Variants in HOOK3 observed in about 807,000 individuals in gnomAD.
The protein encoded by HOOK3 is protein Hook homolog 3.
In HOOK3, 24 loss-of-function variants were observed where a neutral mutation model predicts 116.3. That is an observed-to-expected ratio of 0.21 (90% CI 0.15 to 0.29). The LOEUF (loss-of-function observed/expected upper bound fraction) is 0.29. HOOK3 is among the 10% of genes least tolerant of loss of function. The probability of loss-of-function intolerance (pLI) is 1.00; values close to 1 mark genes in which losing one functional copy is unlikely to be tolerated. For missense variants in HOOK3, 632 were observed against 830.2 expected (o/e 0.76, Z 2.93); for synonymous variants, 275 against 283.0 (o/e 0.97, Z 0.28).
chr8:43,020,414 A>G lies in HOOK3; in HGVS notation c.*1916A>G, dbSNP rs1379016896. The G allele has an allele frequency of 1.6e-5, 3 of 190,548 alleles. No homozygotes were observed. The highest frequency in any genetic ancestry group is 2.2e-5 in the Non-Finnish European group (2 of 90,944). The allele number at this position is 190,548 out of a possible 1,614,324, so 11.8% of individuals were successfully genotyped here. On this transcript the variant is annotated 3_prime_UTR_variant, in exon 22 of 22. Coordinates refer to ENST00000307602, the MANE Select transcript of HOOK3 (RefSeq NM_032410.4). ...TCACAAATAGCCTGAGGATCCAACT[A>G]TTTTTAAAGCAAATTGGGGCCAGAC...
At chr8:42,982,798 G>A (rs756498886) in intron 14 of HOOK3, 102 bp downstream of exon 14, 5 of 775,438 alleles carry the variant, frequency 6.4e-6, no homozygotes, top group South Asian at 1.7e-5. Flanking sequence ...CTTTCTCACC[G>A]ACACTTTCAA....
chr8:42,981,787 G>A (rs901507119), intron 13 of HOOK3, among the ~76,000 whole-genome samples: 9 of 150,864 alleles, frequency 6.0e-5, no homozygotes, highest in Non-Finnish European at 1.3e-4. Context: ...AGCAGGCTGA[G>A]GTAGGAGAAT....
At chr8:42,941,468 A>G (rs1402751777) in intron 4 of HOOK3, among the ~76,000 whole-genome samples, 1 of 144,862 alleles carries the variant, frequency 6.9e-6, no homozygotes, top group Non-Finnish European at 1.5e-5. Context: ...CAGTGAGCCA[A>G]GGTCGCGCCA....
intron 2 of HOOK3, among the ~76,000 whole-genome samples, chr8:42,921,350 G>A (rs1323086250): frequency 1.3e-5 from 2 of 152,030 alleles, no homozygotes; most frequent in African/African-American, 4.8e-5. Flanking sequence ...AGCAATACTT[G>A]ATTGCTAATG....
chr8:42,897,210 G>A (rs1392236323), intron 1 of HOOK3, 22 bp downstream of exon 1: 1 of 1,237,382 alleles, frequency 8.1e-7, no homozygotes, highest in Non-Finnish European at 1.0e-6. Flanking sequence ...CCGCGGGCCG[G>A]CGGGAAGACC....
chr8:42,916,825 C>A (rs575087789), intron 2 of HOOK3, among the ~76,000 whole-genome samples: 16 of 152,310 alleles, frequency 1.1e-4, no homozygotes, highest in African/African-American at 3.6e-4. Flanking sequence ...ATAACAAAGG[C>A]CAAATGGAGC....
At chr8:42,973,708 A>C (rs1279951748) in intron 12 of HOOK3, among the ~76,000 whole-genome samples, 1 of 152,080 alleles carries the variant, frequency 6.6e-6, no homozygotes, top group East Asian at 1.9e-4. Flanking sequence ...TTTCTGTATG[A>C]TTAATAGAGG....
At position 42,926,133 on chromosome 8, in the gene HOOK3, T is replaced by A. The variant is rs189458142; in HGVS notation, c.216+504T>A. Among the ~76,000 whole-genome samples, 1,124 of 152,222 alleles carry A rather than the reference T, an allele frequency of 7.4e-3. 9 individuals are homozygous for A. Among genetic ancestry groups the A allele is most frequent in the Non-Finnish European group, 0.011 (754 of 67,998 alleles). On this transcript the variant is annotated intron_variant, in intron 3 of 21. Coordinates refer to ENST00000307602, the MANE Select transcript of HOOK3 (RefSeq NM_032410.4). ...AAGTTTCTTTAACCAAAACTTACAA[T>A]AAGAAAAAAAGTTTACATTGCAACC...
At chr8:42,953,275 GTAAAA>G (rs1808374999) in intron 6 of HOOK3, among the ~76,000 whole-genome samples, 1 of 132,090 alleles carries the variant, frequency 7.6e-6, no homozygotes, top group South Asian at 2.4e-4. Context: ...AAAAAAAAAA[GTAAAA>G]TACGGCCAGG....
intron 2 of HOOK3, among the ~76,000 whole-genome samples, chr8:42,919,866 G>A (rs1240549657): frequency 6.6e-6 from 1 of 152,156 alleles, no homozygotes; most frequent in East Asian, 1.9e-4. Flanking sequence ...CAGGCAGGGA[G>A]GTTGCAGTGA....
chr8:42,902,732 T>C (rs1350259273), intron 1 of HOOK3, among the ~76,000 whole-genome samples: 2 of 152,198 alleles, frequency 1.3e-5, no homozygotes, highest in African/African-American at 4.8e-5. Flanking sequence ...TTTCTTTATA[T>C]GGAAAAACTG....
At chr8:43,013,274 A>G in intron 20 of HOOK3, 55 bp from the exon 21 acceptor site, 17 of 1,431,972 alleles carry the variant, frequency 1.2e-5, no homozygotes, top group Non-Finnish European at 1.6e-5. Context: ...TATTTTATTT[A>G]TATTGAGTTA....
chr8:42,983,148 C>A (rs907587310), intron 14 of HOOK3, among the ~76,000 whole-genome samples: 2 of 152,064 alleles, frequency 1.3e-5, no homozygotes, highest in Non-Finnish European at 2.9e-5. Flanking sequence ...TCCTAGCTAA[C>A]ACGGTGAAAC....
intron 18 of HOOK3, among the ~76,000 whole-genome samples, chr8:43,008,705 G>C (rs1488969496): frequency 6.9e-6 from 1 of 145,726 alleles, no homozygotes; most frequent in Non-Finnish European, 1.5e-5. Flanking sequence ...TGTCGCCCAG[G>C]CTGGAGTGCA....
chr8:42,919,784 A>T (rs966028267), intron 2 of HOOK3, among the ~76,000 whole-genome samples: 15 of 152,206 alleles, frequency 9.9e-5, no homozygotes, highest in African/African-American at 3.6e-4. Context: ...CCACCAAAAA[A>T]TATGAAAACC....
chr8:42,923,849 A>T (rs1431699436), intron 2 of HOOK3, among the ~76,000 whole-genome samples: 3 of 152,230 alleles, frequency 2.0e-5, no homozygotes, highest in African/African-American at 7.2e-5. Flanking sequence ...TAAATAGATA[A>T]TGAAGTTAAT....
At chr8:42,936,986 T>G (rs1807983853) in intron 4 of HOOK3, among the ~76,000 whole-genome samples, 1 of 152,220 alleles carries the variant, frequency 6.6e-6, no homozygotes, top group Non-Finnish European at 1.5e-5. Context: ...TCTTTGTACC[T>G]CTGGTAGAAT....
chr8:43,018,576 C>T lies in HOOK3; in HGVS notation c.*78C>T, dbSNP rs1809765272. ...ACACACAAGAACATTTCAGGAAACT[C>T]AGCCAGCTTATTTTTTGTTTCTCTT... On this transcript the variant is annotated 3_prime_UTR_variant, in exon 22 of 22. Coordinates refer to ENST00000307602, the MANE Select transcript of HOOK3 (RefSeq NM_032410.4). The T allele has an allele frequency of 5.8e-6, 8 of 1,371,124 alleles. No individual in the cohort carries two copies. The highest frequency in any genetic ancestry group is 7.7e-6 in the Non-Finnish European group (8 of 1,041,116). 84.9% of individuals were successfully genotyped at this position (1,371,124 alleles called of 1,614,324 possible). A position where few individuals can be genotyped will look rare whatever the true frequency, so the allele number is the denominator to read the frequency against.
At chr8:42,938,691 GCTTTT>G (rs1050763339) in intron 4 of HOOK3, among the ~76,000 whole-genome samples, 7 of 148,492 alleles carry the variant, frequency 4.7e-5, no homozygotes, top group East Asian at 3.9e-4. Flanking sequence ...GGTTGAAAAT[GCTTTT>G]CTTTTATTTA....
Sources: allele counts gnomAD v4.1 joint callset (sites outside exome capture counted in the v4.1 genomes callset), GRCh38; gene constraint gnomAD v4.1.1; transcripts MANE v1.5; gene names NCBI Gene and HGNC (gene_info 2026-07-23, HGNC 2026-07-21).